DENND2B: variants seen among roughly 807,000 people sequenced by gnomAD.
DENND2B encodes DENN domain containing 2B, also known as DENN domain-containing protein 2B.
A neutral mutation model predicts 116.0 loss-of-function variants in DENND2B; 32 were observed. The ratio of observed to expected loss-of-function variants is 0.28; its 90% CI spans 0.21 to 0.37. DENND2B has a LOEUF of 0.37. Among genes scored for constraint, DENND2B ranks in the 10% least tolerant of loss-of-function variants. DENND2B has a pLI of 1.00. For synonymous variants in DENND2B, 588 were observed against 583.9 expected, an observed-to-expected ratio of 1.01 and a Z score of -0.10; for missense variants, 1,276 against 1,477.7, an observed-to-expected ratio of 0.86 and a Z score of 2.24.
At chr11:8,736,180 T>C (rs953835149) in intron 2 of DENND2B, among the ~76,000 whole-genome samples, 7 of 152,094 alleles carry the variant, frequency 4.6e-5, no homozygotes, top group South Asian at 4.2e-4. Context: ...AGGCCGGAGA[T>C]ACATTTTGGC....
chr11:8,730,068 T>A lies in DENND2B; in HGVS notation c.1222A>T (p.Asn408Tyr). The A allele has an allele frequency of 6.2e-7, 1 of 1,614,172 alleles. No individual in the cohort carries two copies. The highest frequency in any genetic ancestry group is 8.5e-7 in the Non-Finnish European group (1 of 1,180,018). ...GGTGTGGGTGAAGGAGGTAGACCAT[T>A]ACTGGGCTTACTCTTGGGGTTCTTG... ...ADKNPKSKPS[N>Y]GLPPSPTPAA... The change falls in exon 3 of 20, where the codon AAT becomes TAT. Residue 408 changes from asparagine (N) to tyrosine (Y), a missense_variant. By Grantham distance (143) the Asn-to-Tyr change is moderately radical. Coordinates refer to ENST00000313726, the MANE Select transcript of DENND2B (RefSeq NM_213618.2). The surrounding 1 kb of genome is among the most constrained non-coding windows in gnomAD (Gnocchi z 4.1).
At chr11:8,805,695 C>T (rs1018216158) in intron 1 of DENND2B, among the ~76,000 whole-genome samples, 1 of 152,186 alleles carries the variant, frequency 6.6e-6, no homozygotes, top group Non-Finnish European at 1.5e-5. Flanking sequence ...CTCAGAACTG[C>T]AGCAGGTCTA....
chr11:8,806,605 AACAC>A (rs71059180), intron 1 of DENND2B, among the ~76,000 whole-genome samples: 7 of 118,488 alleles, frequency 5.9e-5, no homozygotes, highest in African/African-American at 1.9e-4. Flanking sequence ...CTCCCTTCAA[AACAC>A]ACACACACAC....
At chr11:8,806,820 G>A (rs1430719183) in intron 1 of DENND2B, among the ~76,000 whole-genome samples, 1 of 151,760 alleles carries the variant, frequency 6.6e-6, no homozygotes, top group Admixed American at 6.6e-5. Context: ...AGCCTCCCCA[G>A]CCCCTGCCTC....
intron 4 of DENND2B, among the ~76,000 whole-genome samples, chr11:8,821,112 T>A (rs535092340): frequency 1.2e-3 from 173 of 142,492 alleles, no homozygotes; most frequent in African/African-American, 4.2e-3. Context: ...AGAGCGAGAC[T>A]CTGCCTCAAA....
upstream of DENND2B, among the ~76,000 whole-genome samples, chr11:8,814,917 C>T (rs992632258): frequency 6.6e-6 from 1 of 152,214 alleles, no homozygotes; most frequent in Non-Finnish European, 1.5e-5. Flanking sequence ...ACTATAATTA[C>T]ATTTCTTTTC....
At position 8,737,062 on chromosome 11, in the gene DENND2B, T is replaced by G. The variant is rs74838464; in HGVS notation, c.81-5853A>C. Among the ~76,000 whole-genome samples the G allele has an allele frequency of 5.9e-5, 9 of 152,206 alleles. No homozygotes were observed. In the East Asian group the frequency reaches 1.7e-3, roughly 29 times the overall value. On this transcript the variant is annotated intron_variant, in intron 2 of 19. Coordinates refer to ENST00000313726, the MANE Select transcript of DENND2B (RefSeq NM_213618.2). ...TACTTTGAGGGCTGGGCCAATGCAA[T>G]TTGCTGATGGGTTAGATGAGCAGTG...
intron 1 of DENND2B, among the ~76,000 whole-genome samples, chr11:8,906,212 T>C (rs1032753572): frequency 6.8e-6 from 1 of 146,210 alleles, no homozygotes; most frequent in African/African-American, 2.5e-5. Context: ...TTTCTTTTTT[T>C]TTTTTTTTTT....
intron 1 of DENND2B, among the ~76,000 whole-genome samples, chr11:8,901,193 T>G (rs2134759569): frequency 6.7e-6 from 1 of 148,446 alleles, no homozygotes; most frequent in African/African-American, 2.5e-5. Flanking sequence ...GTTCTTCTTT[T>G]CCTAGTTTTT....
At chr11:8,889,396 G>A (rs2063999040) in intron 1 of DENND2B, among the ~76,000 whole-genome samples, 1 of 152,198 alleles carries the variant, frequency 6.6e-6, no homozygotes, top group African/African-American at 2.4e-5. Context: ...GACAGTGGGT[G>A]CAGTACAGTG....
chr11:8,726,722 T>A, intron 3 of DENND2B, among the ~76,000 whole-genome samples: 1 of 152,188 alleles, frequency 6.6e-6, no homozygotes. Flanking sequence ...GAGTCTCACA[T>A]CCTCATCTGC....
intron 2 of DENND2B, among the ~76,000 whole-genome samples, chr11:8,737,985 G>A (rs1009462650): frequency 2.6e-5 from 4 of 151,608 alleles, no homozygotes; most frequent in African/African-American, 9.7e-5. Context: ...CTGGCCTCCA[G>A]TGATCCTCCT....
chr11:8,784,426 CAA>C (rs758363382), intron 1 of DENND2B: 41 of 102,422 alleles, frequency 4.0e-4, no homozygotes, highest in Non-Finnish European at 4.0e-4. Context: ...GACCCAGTAA[CAA>C]AAAAAAAAAA....
chr11:8,721,691 T>C (rs1463590287), intron 4 of DENND2B, among the ~76,000 whole-genome samples: 15 of 152,346 alleles, frequency 9.8e-5, no homozygotes, highest in Admixed American at 8.5e-4. Context: ...CCCGGCACCT[T>C]CCCTGGGCTG....
chr11:8,782,613 G>A (rs1303782409), intron 1 of DENND2B, among the ~76,000 whole-genome samples: 5 of 152,036 alleles, frequency 3.3e-5, no homozygotes, highest in South Asian at 2.1e-4. Flanking sequence ...TTGGCCGGGC[G>A]CAGTGGCTCA....
intron 2 of DENND2B, among the ~76,000 whole-genome samples, chr11:8,877,772 CA>C (rs1288965939): frequency 6.6e-6 from 1 of 152,038 alleles, no homozygotes; most frequent in African/African-American, 2.4e-5. Context: ...AGTTCCCCCC[CA>C]AAAAAATCAC....
At chr11:8,723,476 G>A (rs142812927) in intron 4 of DENND2B, among the ~76,000 whole-genome samples, 1 of 152,294 alleles carries the variant, frequency 6.6e-6, no homozygotes, top group Non-Finnish European at 1.5e-5. Context: ...CTTAGGTCAG[G>A]TTTGAGAGAA....
At chr11:8,822,877 C>CAA (rs1320779480) in intron 4 of DENND2B, among the ~76,000 whole-genome samples, 2 of 152,142 alleles carry the variant, frequency 1.3e-5, no homozygotes, top group African/African-American at 4.8e-5. Context: ...AAAAATATTT[C>CAA]TTAATCAATA....
intron 1 of DENND2B, among the ~76,000 whole-genome samples, chr11:8,892,863 T>A (rs917249628): frequency 1.3e-5 from 2 of 151,988 alleles, no homozygotes; most frequent in Non-Finnish European, 2.9e-5. Flanking sequence ...TTCCAATCAA[T>A]AGAAAAAGAG....
Sources: gnomAD v4.1 joint callset for allele counts (sites outside exome capture counted in the v4.1 genomes callset) on GRCh38, gnomAD v4.1.1 for gene constraint, Gnocchi (gnomAD v3.1) non-coding constraint, MANE v1.5 for transcripts, NCBI Gene and HGNC (gene_info 2026-07-23, HGNC 2026-07-21) for gene names.